Variants in ZNF831 observed in about 807,000 individuals in gnomAD.
ZNF831 encodes the protein chromosome 20 open reading frame 174.
In ZNF831, 59 loss-of-function variants were observed where a neutral mutation model predicts 95.8. The ratio of observed to expected loss-of-function variants is 0.62; its 90% CI spans 0.50 to 0.77. The LOEUF (loss-of-function observed/expected upper bound fraction) is 0.77. ZNF831 is among the 30% of genes least tolerant of loss of function. The pLI is 0.00. For missense variants in ZNF831, 2,205 were observed against 2,164.0 expected, an observed-to-expected ratio of 1.02 and a Z score of -0.38; for synonymous variants, 961 against 925.5, an observed-to-expected ratio of 1.04 and a Z score of -0.70.
chr20:59,161,772 A>G (rs1346085193), upstream of ZNF831, among the ~76,000 whole-genome samples: 1 of 152,194 alleles, frequency 6.6e-6, no homozygotes, highest in Non-Finnish European at 1.5e-5. Context: ...CTTTGGGTAG[A>G]TACCCAGTAA....
intron 4 of ZNF831, among the ~76,000 whole-genome samples, chr20:59,231,124 T>C (rs563617605): frequency 1.1e-4 from 16 of 152,330 alleles, no homozygotes; most frequent in South Asian, 4.1e-4. Context: ...GGACATGCGG[T>C]GGATATTGCA....
At chr20:59,206,881 C>A (rs370432236) in intron 3 of ZNF831, 24 bp from the exon 4 acceptor site, 5 of 1,608,014 alleles carry the variant, frequency 3.1e-6, no homozygotes, top group South Asian at 1.1e-5. Flanking sequence ...CTGGTTACTG[C>A]AAGCATGCTT....
chr20:59,209,221 T>C (rs259996), intron 4 of ZNF831, among the ~76,000 whole-genome samples: 113,611 of 152,188 alleles, frequency 0.75, 43,685 homozygotes, highest in African/African-American at 0.93. Flanking sequence ...GACTCCAGCA[T>C]GGATGACCAA....
chr20:59,160,815 T>TTTC (rs898299416), upstream of ZNF831: 10 of 152,010 alleles, frequency 6.6e-5, no homozygotes, highest in Non-Finnish European at 1.3e-4. Context: ...TTTTTTTTTT[T>TTTC]TCTAGCTGCA....
At position 59,191,172 on chromosome 20, in the gene ZNF831, C is replaced by T. The variant is rs536197556; in HGVS notation, c.153C>T (p.Pro51=). The T allele has an allele frequency of 3.7e-6, 6 of 1,601,980 alleles. No individual in the cohort carries two copies. The highest frequency in any genetic ancestry group is 1.3e-5 in the African/African-American group (1 of 74,890). Residue 51 remains proline (P), a synonymous_variant, in exon 2 of 6, where the codon CCC becomes CCT. Coordinates refer to ENST00000371030, the MANE Select transcript of ZNF831 (RefSeq NM_178457.3). ...LLPPEQGLAP[P]TVFLKALPIP... is the part of the protein sequence containing the mutation. ...CGCCAGAGCAGGGCCTGGCCCCCCC[C>T]ACTGTGTTCCTGAAGGCCCTGCCCA...
chr20:59,179,208 C>G (rs982856380), intron 1 of ZNF831, among the ~76,000 whole-genome samples: 1 of 152,226 alleles, frequency 6.6e-6, no homozygotes, highest in East Asian at 1.9e-4. Flanking sequence ...CACACATGGA[C>G]AGCCTGTGAA....
intron 2 of ZNF831, among the ~76,000 whole-genome samples, chr20:59,150,060 C>A (rs1371870963): frequency 6.6e-6 from 1 of 152,248 alleles, no homozygotes; most frequent in Admixed American, 6.5e-5. Flanking sequence ...AACACACATA[C>A]CCTTTGCCAC....
At chr20:59,196,079 C>T (rs558873776) in intron 3 of ZNF831, 74 bp downstream of exon 3, 39 of 1,556,654 alleles carry the variant, frequency 2.5e-5, no homozygotes, top group Admixed American at 2.2e-4. Flanking sequence ...GAAAGGTATC[C>T]GTGTGCTCCA....
intron 1 of ZNF831, among the ~76,000 whole-genome samples, chr20:59,128,902 T>C (rs2146434162): frequency 6.6e-6 from 1 of 152,232 alleles, no homozygotes; most frequent in Non-Finnish European, 1.5e-5. Flanking sequence ...GCTGGTATTA[T>C]AGGCGCCCGC....
upstream of ZNF831, among the ~76,000 whole-genome samples, chr20:59,161,508 G>A (rs1480898568): frequency 2.0e-5 from 3 of 152,116 alleles, no homozygotes; most frequent in Non-Finnish European, 4.4e-5. Flanking sequence ...CAAACTCCTG[G>A]CCTCAAGTGA....
At position 59,192,806 on chromosome 20, in the gene ZNF831, T is replaced by C. The variant is rs765414101; in HGVS notation, c.1787T>C (p.Met596Thr). Reference protein sequence around the residue: ...DAKRTAAREAMAGKGRAGGRK... With the variant: ...DAKRTAAREATAGKGRAGGRK... ...AAGAGAACTGCTGCGCGGGAGGCCA[T>C]GGCCGGCAAGGGCAGAGCGGGCGGC... The change falls in exon 2 of 6, where the codon ATG (methionine) becomes ACG (threonine). Residue 596 changes from methionine to threonine, a missense_variant. Met to Thr is a moderately conservative substitution (Grantham distance 81). Transcript: ENST00000371030. This position sits in a 1 kb window ranked among gnomAD's most constrained non-coding sequence, Gnocchi z 5.2. 8.4e-5 allele frequency: 136 copies of C among 1,611,780 alleles called. No homozygotes were observed. Among genetic ancestry groups the C allele is most frequent in the Middle Eastern group, 3.3e-4 (2 of 6,076 alleles).
Position 59,128,556 on chromosome 20 carries a change from C to T in ZNF831, c.-1425+5051C>T, listed in dbSNP as rs930069988. Among the ~76,000 whole-genome samples the T allele has an allele frequency of 4.6e-5, 7 of 152,218 alleles. 1 individual carries two copies. Among genetic ancestry groups the T allele is most frequent in the South Asian group, 4.1e-4 (2 of 4,822 alleles). On this transcript the variant is annotated intron_variant, in intron 1 of 7. Coordinates refer to the ZNF831 transcript ENST00000637017. ...CAGAGAGGAGTGGCTGAGACAGAGC[C>T]GCAGTGTGAGCTGGCTGGTGGGCAG... is the stretch of plus-strand genomic sequence containing the variant.
chr20:59,154,320 G>A (rs973852861), intron 2 of ZNF831, among the ~76,000 whole-genome samples: 4 of 152,160 alleles, frequency 2.6e-5, no homozygotes, highest in African/African-American at 9.7e-5. Context: ...AGTAACCCAC[G>A]TAGAAGGTAC....
chr20:59,238,385 G>A (rs965886732), intron 4 of ZNF831, among the ~76,000 whole-genome samples: 3 of 152,234 alleles, frequency 2.0e-5, no homozygotes, highest in Middle Eastern at 3.4e-3. Flanking sequence ...AGTGCATCTC[G>A]ATTTCTCTCT....
chr20:59,154,119 T>C (rs184159100), intron 2 of ZNF831, among the ~76,000 whole-genome samples: 209 of 152,230 alleles, frequency 1.4e-3, no homozygotes, highest in Non-Finnish European at 2.6e-3. Flanking sequence ...TCCACTACAA[T>C]GTGAGACGAG....
chr20:59,229,230 C>T (rs1038198366), intron 4 of ZNF831, among the ~76,000 whole-genome samples: 5 of 152,176 alleles, frequency 3.3e-5, no homozygotes. Flanking sequence ...TAGGTTGATT[C>T]CACATCTTGG....
In ZNF831 at chr20:59,192,523, A is replaced by G. The variant is rs1366754797; in HGVS notation, c.1504A>G (p.Thr502Ala). ...CACCACCGTGGAATGTGTCCCCGTC[A>G]CCAGGAGCAACTCGCTGCCCTTCGT... ...LSTTVECVPV[T>A]RSNSLPFVEG... is the part of the protein sequence containing the mutation. The change falls in exon 2 of 6, where the codon ACC becomes GCC. Residue 502 changes from threonine (T) to alanine (A), a missense_variant. By Grantham distance (58) the Thr-to-Ala change is moderately conservative. Transcript: ENST00000371030. The surrounding 1 kb of genome is among the most constrained non-coding windows in gnomAD (Gnocchi z 5.2). The G allele has an allele frequency of 1.3e-6, 2 of 1,532,732 alleles. No homozygotes were observed. The highest frequency in any genetic ancestry group is 2.8e-5 in the African/African-American group (2 of 72,240). 94.9% of individuals were successfully genotyped at this position (1,532,732 alleles called of 1,614,324 possible). A position where few individuals can be genotyped will look rare whatever the true frequency, so the allele number is the denominator to read the frequency against.
chr20:59,175,430 T>G (rs903107762), intron 1 of ZNF831, among the ~76,000 whole-genome samples: 8 of 152,054 alleles, frequency 5.3e-5, no homozygotes, highest in African/African-American at 1.9e-4. Context: ...TTTTATTTTT[T>G]TTAATTTTCA....
At chr20:59,176,554 C>G (rs1309226447) in intron 1 of ZNF831, among the ~76,000 whole-genome samples, 1 of 152,190 alleles carries the variant, frequency 6.6e-6, no homozygotes, top group African/African-American at 2.4e-5. Context: ...GCCATAGAAT[C>G]ATGTTGGGTC....
Sources: allele counts gnomAD v4.1 joint callset (sites outside exome capture counted in the v4.1 genomes callset), GRCh38; gene constraint gnomAD v4.1.1; non-coding constraint Gnocchi (gnomAD v3.1); transcripts MANE v1.5; gene names NCBI Gene and HGNC (gene_info 2026-07-23, HGNC 2026-07-21).